The following KIF26B variants were observed in gnomAD, a reference collection of about 807,000 sequenced individuals.
KIF26B encodes the protein kinesin-like protein KIF26B.
In KIF26B, 63 loss-of-function variants were observed where a neutral mutation model predicts 151.2. The observed-to-expected ratio is 0.42, with a 90% CI of 0.34 to 0.51. KIF26B has a LOEUF of 0.51. Among genes scored for constraint, KIF26B ranks in the 20% least tolerant of loss-of-function variants. The pLI, the probability that KIF26B is intolerant of heterozygous loss-of-function variation, is 0.07. For synonymous variants in KIF26B, 1,357 were observed against 1,262.1 expected, an observed-to-expected ratio of 1.08 and a Z score of -1.59; for missense variants, 2,813 against 2,913.6, an observed-to-expected ratio of 0.97 and a Z score of 0.79.
chr1:245,160,155 A>G (rs535442933), intron 2 of KIF26B, among the ~76,000 whole-genome samples: 3 of 152,336 alleles, frequency 2.0e-5, no homozygotes, highest in East Asian at 3.9e-4. Flanking sequence ...TCCGATAGCA[A>G]CTTACCTGGT....
chr1:245,534,450 C>T (rs1661445141), intron 4 of KIF26B, among the ~76,000 whole-genome samples: 1 of 151,972 alleles, frequency 6.6e-6, no homozygotes, highest in South Asian at 2.1e-4. Context: ...TGTGAGCCAT[C>T]GCACCTGGCC....
At chr1:245,475,331 C>T (rs189569579) in intron 4 of KIF26B, among the ~76,000 whole-genome samples, 1 of 151,916 alleles carries the variant, frequency 6.6e-6, no homozygotes, top group East Asian at 1.9e-4. Flanking sequence ...CAGGCCTCAG[C>T]TCTACTGAGC....
intron 2 of KIF26B, among the ~76,000 whole-genome samples, chr1:245,289,514 G>A (rs1308166377): frequency 6.6e-6 from 1 of 152,178 alleles, no homozygotes; most frequent in East Asian, 1.9e-4. Context: ...AGTGGTATGC[G>A]ACATCAAGGG....
At chr1:245,303,374 A>ATT (rs533981302) in intron 2 of KIF26B, among the ~76,000 whole-genome samples, 1,966 of 150,524 alleles carry the variant, frequency 0.013, 69 homozygotes, top group African/African-American at 0.044. Context: ...AATTTTTTGT[A>ATT]TTTTTAGTAG....
intron 5 of KIF26B, among the ~76,000 whole-genome samples, chr1:245,596,516 C>T (rs914521557): frequency 4.6e-5 from 7 of 152,124 alleles, no homozygotes; most frequent in African/African-American, 1.7e-4. Context: ...GCAGTGTGGT[C>T]TGAGAGACTG....
At chr1:245,204,849 T>C (rs1320350011) in intron 2 of KIF26B, among the ~76,000 whole-genome samples, 1 of 152,264 alleles carries the variant, frequency 6.6e-6, no homozygotes, top group East Asian at 1.9e-4. Flanking sequence ...GGCAGAATCA[T>C]AGCTCACTGC....
rs558738539 is a variant in KIF26B at position 245,370,972 on chromosome 1, A to G, written c.999+3605A>G. 2.0e-5 allele frequency among the ~76,000 whole-genome samples: 3 copies of G among 152,284 alleles called. No homozygotes were observed. In the South Asian group the frequency reaches 6.2e-4, roughly 32 times the overall value. Reference sequence around the variant, plus strand: ...AGTGGGACAGAAGGCAGGTGAGTGCAGAGGTGAAGAGATGCCGCGGTGCTT... The same window carrying G: ...AGTGGGACAGAAGGCAGGTGAGTGCGGAGGTGAAGAGATGCCGCGGTGCTT... On this transcript the variant is annotated intron_variant, in intron 3 of 14. Coordinates refer to ENST00000407071, the MANE Select transcript of KIF26B (RefSeq NM_018012.4).
chr1:245,688,529 C>T lies in KIF26B; in HGVS notation c.5546C>T (p.Ser1849Leu). 1 of 1,529,408 alleles carries T rather than the reference C, an allele frequency of 6.5e-7. No homozygotes were observed. Among genetic ancestry groups the T allele is most frequent in the Non-Finnish European group, 8.8e-7 (1 of 1,141,986 alleles). The allele number at this position is 1,529,408 out of a possible 1,614,324, so 94.7% of individuals were successfully genotyped here. ...DEPAAAHLLP[S>L]PYSKITPPRR... is the part of the protein sequence containing the mutation. ...CCCGCGGCCGCGCACCTGCTCCCGT[C>T]GCCCTACAGCAAGATCACGCCCCCG... The change falls in exon 12 of 15, where the codon TCG becomes TTG. Residue 1849 changes from serine to leucine, a missense_variant. Ser to Leu is a moderately radical substitution (Grantham distance 145). This residue lies in a region of KIF26B where 2,060 missense variants were observed against 2,088.6 expected (regional missense o/e 0.99). Coordinates refer to ENST00000407071, the MANE Select transcript of KIF26B (RefSeq NM_018012.4).
chr1:245,639,558 G>C (rs767915889), intron 9 of KIF26B, among the ~76,000 whole-genome samples: 20 of 151,668 alleles, frequency 1.3e-4, no homozygotes, highest in Non-Finnish European at 2.5e-4. Flanking sequence ...TGCAACATTA[G>C]GTTGTTTATA....
At chr1:245,158,870 G>GTGTGTGTGTGTGTGTGGT (rs556695816) in intron 2 of KIF26B, among the ~76,000 whole-genome samples, 16 of 42,660 alleles carry the variant, frequency 3.8e-4, no homozygotes, top group African/African-American at 1.1e-3. Flanking sequence ...GTGTGTGTGT[G>GTGTGTGTGTGTGTGTGGT]GTGTGTGTTT....
intron 2 of KIF26B, among the ~76,000 whole-genome samples, chr1:245,231,754 TAAAAAG>T (rs1209694440): frequency 2.0e-5 from 3 of 151,696 alleles, no homozygotes; most frequent in Non-Finnish European, 2.9e-5. Context: ...CCAAGTCACT[TAAAAAG>T]AAAAAAAAAT....
chr1:245,681,400 G>A (rs1166975846), intron 10 of KIF26B, among the ~76,000 whole-genome samples: 1 of 152,044 alleles, frequency 6.6e-6, no homozygotes, highest in East Asian at 1.9e-4. Context: ...TGGTAGAGAT[G>A]GGGTTTCACC....
Position 245,522,081 on chromosome 1 carries a change from G to C in KIF26B, c.1167-18686G>C, listed in dbSNP as rs184104889. Among the ~76,000 whole-genome samples, 266 of 152,252 alleles carry C rather than the reference G, an allele frequency of 1.7e-3. 3 individuals are homozygous for C. In the East Asian group the frequency reaches 0.038, roughly 22 times the overall value. On this transcript the variant is annotated intron_variant, in intron 4 of 14. Coordinates refer to ENST00000407071, the MANE Select transcript of KIF26B (RefSeq NM_018012.4). ...AGACGGGGTTTCACCGTGTTAGCCAGGATGGTCTCGATCTCCTGACCTCAT... is the reference window on the plus strand; with the variant it reads ...AGACGGGGTTTCACCGTGTTAGCCACGATGGTCTCGATCTCCTGACCTCAT...
At chr1:245,419,500 C>T in intron 3 of KIF26B, 79 bp from the exon 4 acceptor site, 1 of 1,400,066 alleles carries the variant, frequency 7.1e-7, no homozygotes. Flanking sequence ...CTCCCTCCCC[C>T]AAATAGAGAG....
chr1:245,673,365 G>A (rs1481947493), intron 10 of KIF26B, among the ~76,000 whole-genome samples: 1 of 130,836 alleles, frequency 7.6e-6, no homozygotes, highest in Non-Finnish European at 1.6e-5. Context: ...GCCATCTTAG[G>A]CCCAGTCCCC....
intron 2 of KIF26B, among the ~76,000 whole-genome samples, chr1:245,192,410 C>G (rs1043295055): frequency 3.3e-5 from 5 of 151,368 alleles, no homozygotes; most frequent in African/African-American, 9.7e-5. Context: ...CTGCTGGTCT[C>G]CCCTAGTAAA....
chr1:245,532,376 G>C (rs1456434704), intron 4 of KIF26B, among the ~76,000 whole-genome samples: 1 of 151,402 alleles, frequency 6.6e-6, no homozygotes, highest in Non-Finnish European at 1.5e-5. Context: ...CTCCCGAGTA[G>C]CTGGGACTAC....
intron 2 of KIF26B, among the ~76,000 whole-genome samples, chr1:245,320,176 C>T (rs1169666303): frequency 1.2e-4 from 18 of 152,208 alleles, no homozygotes; most frequent in Non-Finnish European, 7.3e-5. Flanking sequence ...ACACAGTGCT[C>T]AGAACAGCAA....
At position 245,218,741 on chromosome 1, in the gene KIF26B, G is replaced by A. The variant is rs1037087173; in HGVS notation, c.465+62058G>A. ...AAGCAAATATACATGGTACCTTGCC[G>A]TAGGGGGGCTTTATGTTTCTAAATC... On this transcript the variant is annotated intron_variant, in intron 2 of 14. Coordinates refer to ENST00000407071, the MANE Select transcript of KIF26B (RefSeq NM_018012.4). The surrounding 1 kb of genome is among the most constrained non-coding windows in gnomAD (Gnocchi z 4.1). Among the ~76,000 whole-genome samples, 3 of 152,156 alleles carry A rather than the reference G, an allele frequency of 2.0e-5. No individual in the cohort carries two copies. Among genetic ancestry groups the A allele is most frequent in the Middle Eastern group, 3.2e-3 (1 of 316 alleles).
Sources: allele counts gnomAD v4.1 joint callset (sites outside exome capture counted in the v4.1 genomes callset), GRCh38; gene constraint gnomAD v4.1.1; regional missense constraint gnomAD v4.1.1; non-coding constraint Gnocchi (gnomAD v3.1); transcripts MANE v1.5; gene names NCBI Gene and HGNC (gene_info 2026-07-23, HGNC 2026-07-21).